TRIM28: variants seen among roughly 807,000 people sequenced by gnomAD.
The protein encoded by TRIM28 is tripartite motif containing 28.
In TRIM28, 8 loss-of-function variants were observed where a neutral mutation model predicts 87.4. The observed-to-expected ratio is 0.09, with a 90% CI of 0.05 to 0.17. TRIM28 has a LOEUF of 0.17. Among genes scored for constraint, TRIM28 ranks in the 10% least tolerant of loss-of-function variants. The pLI is 1.00. For missense variants in TRIM28, 968 were observed against 1,131.8 expected (o/e 0.86, Z 2.08); for synonymous variants, 601 against 454.3 (o/e 1.32, Z -4.11).
In TRIM28 at chr19:58,544,892, A is replaced by T. The variant is rs1451588238; in HGVS notation, c.135A>T (p.Ser45=). 1.5e-6 allele frequency: 2 copies of T among 1,371,880 alleles called. No homozygotes were observed. Among genetic ancestry groups the T allele is most frequent in the South Asian group, 1.7e-5 (1 of 60,480 alleles). The allele number at this position is 1,371,880 out of a possible 1,614,324, so 85.0% of individuals were successfully genotyped here. A position where few individuals can be genotyped will look rare whatever the true frequency, so the allele number is the denominator to read the frequency against. ...CGGCCGCAGCCTCGGCCTCTGCCTC[A>T]GCCGCGGCGTCGTCGCCCGCGGGGG... The part of the protein sequence containing the change: ...APSAAASASA[S]AAASSPAGGG... Residue 45 remains serine (S), a synonymous_variant, in exon 1 of 17, where the codon TCA becomes TCT. Coordinates refer to ENST00000253024, the MANE Select transcript of TRIM28 (RefSeq NM_005762.3).
intron 1 of TRIM28, 123 bp downstream of exon 1, chr19:58,545,220 C>A: frequency 1.0e-6 from 1 of 999,914 alleles, no homozygotes; most frequent in Middle Eastern, 3.3e-4. Context: ...ACGGGAAATA[C>A]TTTCTGGGTC....
In TRIM28 at chr19:58,544,601, G is replaced by A. The variant is rs2053742109; in HGVS notation, c.-157G>A. 1.1e-5 allele frequency: 2 copies of A among 176,120 alleles called. No homozygotes were observed. The highest frequency in any genetic ancestry group is 2.2e-5 in the Non-Finnish European group (2 of 90,444). The allele number at this position is 176,120 out of a possible 1,614,324, so 10.9% of individuals were successfully genotyped here. The stretch of plus-strand genomic sequence containing the variant: ...GTTGGCCGTGCCGTAGCAGCGTCCC[G>A]CGCGCGGCGGGCAGCGGCCCAGGAG... On this transcript the variant is annotated 5_prime_UTR_variant, in exon 1 of 17. Transcript: ENST00000253024.
chr19:58,544,401 G>A lies in TRIM28; in HGVS notation c.-357G>A, dbSNP rs1264635104. 6.6e-6 allele frequency: 1 copy of A among 152,306 alleles called. No individual in the cohort carries two copies. The highest frequency in any genetic ancestry group is 1.5e-5 in the Non-Finnish European group (1 of 68,166). 9.4% of individuals were successfully genotyped at this position (152,306 alleles called of 1,614,324 possible). A position where few individuals can be genotyped will look rare whatever the true frequency, so the allele number is the denominator to read the frequency against. ...CCCCCGGGCGTGAGGCGCCCAATGC[G>A]CGTGCGCGGCGGCGTCGGCGCCAGT... is the stretch of plus-strand genomic sequence containing the variant. On this transcript the variant is annotated 5_prime_UTR_variant, in exon 1 of 17. Transcript: ENST00000253024.
chr19:58,549,917 C>T lies in TRIM28; in HGVS notation c.2107-32C>T, dbSNP rs761970743. On this transcript the variant is annotated intron_variant, in intron 14 of 16. Transcript: ENST00000253024. This position sits in a 1 kb window ranked among gnomAD's most constrained non-coding sequence, Gnocchi z 4.4. ...CCAGAGAGGCTTTATAGGTGCTGCC[C>T]AGAGCTGTGACATCCCTTACAATGT... 7 of 1,614,020 alleles carry T rather than the reference C, an allele frequency of 4.3e-6. No homozygotes were observed. The highest frequency in any genetic ancestry group is 5.9e-6 in the Non-Finnish European group (7 of 1,179,982).
Position 58,545,544 on chromosome 19 carries a change from C to T in TRIM28, c.453+7C>T, listed in dbSNP as rs760412764. 8 of 1,603,634 alleles carry T rather than the reference C, an allele frequency of 5.0e-6. No individual in the cohort carries two copies. Among genetic ancestry groups the T allele is most frequent in the South Asian group, 2.2e-5 (2 of 90,820 alleles). On this transcript the variant is annotated splice_region_variant and intron_variant, in intron 2 of 16. Transcript: ENST00000253024. ...CGCCCAGGATGCGAACCAGGTGCGT[C>T]CTATCTCAGCAACCACAAGGAGGTT...
rs764450032 is a variant in TRIM28 at position 58,548,150 on chromosome 19, C to T, written c.1071C>T (p.Asn357=). ...RFASWALESD[N]NTALLLSKKL... ...CCTCTTGGGCTCTGGAGAGTGACAACAACACAGCCCTTTTGCTTTCTAAGA... is the reference window on the plus strand; with the variant it reads ...CCTCTTGGGCTCTGGAGAGTGACAATAACACAGCCCTTTTGCTTTCTAAGA... The change falls in exon 7 of 17, where the codon AAC becomes AAT. Residue 357 remains asparagine (N), a synonymous_variant. Coordinates refer to ENST00000253024, the MANE Select transcript of TRIM28 (RefSeq NM_005762.3). 1.2e-6 allele frequency: 2 copies of T among 1,614,202 alleles called. No homozygotes were observed. Among genetic ancestry groups the T allele is most frequent in the South Asian group, 2.2e-5 (2 of 91,082 alleles).
intron 5 of TRIM28, 27 bp downstream of exon 5, chr19:58,547,740 G>A (rs780612143): frequency 4.3e-6 from 7 of 1,613,794 alleles, no homozygotes; most frequent in Non-Finnish European, 5.1e-6. Flanking sequence ...GGGCTGTGGG[G>A]GTGGCCCAGG....
At chr19:58,546,506 T>C (rs1431383521) in intron 3 of TRIM28, among the ~76,000 whole-genome samples, 1 of 152,162 alleles carries the variant, frequency 6.6e-6, no homozygotes, top group Non-Finnish European at 1.5e-5. Context: ...ACTGTGATTC[T>C]TCCCATCCCA....
Position 58,547,850 on chromosome 19 carries a change from C to T in TRIM28, c.898C>T (p.Leu300=), listed in dbSNP as rs576523191. Residue 300 remains leucine, a synonymous_variant, in exon 6 of 17, where the codon CTG becomes TTG. Coordinates refer to ENST00000253024, the MANE Select transcript of TRIM28 (RefSeq NM_005762.3). The stretch of plus-strand genomic sequence containing the variant: ...GCAAGTGGATGTCAAGATGGCCATC[C>T]TGCAGATCATGAAGGAGCTGAATAA... ...RVQVDVKMAI[L]QIMKELNKRG... 1.9e-6 allele frequency: 3 copies of T among 1,614,144 alleles called. No individual in the cohort carries two copies. The highest frequency in any genetic ancestry group is 2.2e-5 in the East Asian group (1 of 44,894).
chr19:58,550,068 G>T, intron 15 of TRIM28, 33 bp downstream of exon 15: 1 of 1,613,762 alleles, frequency 6.2e-7, no homozygotes, highest in Non-Finnish European at 8.5e-7. Context: ...GGAAGGGGGT[G>T]GTGGCTGCTG....
rs1182311597 is a variant in TRIM28 at position 58,548,605 on chromosome 19, G to T, written c.1323+13G>T. The T allele has an allele frequency of 6.2e-7, 1 of 1,611,164 alleles. No homozygotes were observed. The highest frequency in any genetic ancestry group is 1.7e-5 in the Admixed American group (1 of 59,904). On this transcript the variant is annotated intron_variant, in intron 9 of 16. Coordinates refer to ENST00000253024, the MANE Select transcript of TRIM28 (RefSeq NM_005762.3). ...TGGCAGCAGCCAGGTGAGCAGGAGAGAGGACCCAGGAAGGGGTGGGCAGGG... is the reference window on the plus strand; with the variant it reads ...TGGCAGCAGCCAGGTGAGCAGGAGATAGGACCCAGGAAGGGGTGGGCAGGG...
chr19:58,550,310 T>C, intron 16 of TRIM28, 26 bp downstream of exon 16: 1 of 1,613,862 alleles, frequency 6.2e-7, no homozygotes, highest in South Asian at 1.1e-5. Flanking sequence ...GGAGAGGCTG[T>C]GGGCAGGGGG....
Position 58,548,278 on chromosome 19 carries a change from T to G in TRIM28, c.1102-16T>G, listed in dbSNP as rs767162175. The G allele has an allele frequency of 6.2e-7, 1 of 1,613,988 alleles. No individual in the cohort carries two copies. Among genetic ancestry groups the G allele is most frequent in the Non-Finnish European group, 8.5e-7 (1 of 1,179,938 alleles). On this transcript the variant is annotated splice_polypyrimidine_tract_variant and intron_variant, in intron 7 of 16. Coordinates refer to ENST00000253024, the MANE Select transcript of TRIM28 (RefSeq NM_005762.3). Reference sequence around the variant, plus strand: ...GTTGGTGTGCTCATTCTTTCCTCCCTTTCACTCCCAACCAGATCTACTTCC... The same window carrying G: ...GTTGGTGTGCTCATTCTTTCCTCCCGTTCACTCCCAACCAGATCTACTTCC...
At position 58,547,921 on chromosome 19, in the gene TRIM28, G is replaced by C. The variant is rs757352851; in HGVS notation, c.954+15G>C. On this transcript the variant is annotated intron_variant, in intron 6 of 16. Coordinates refer to ENST00000253024, the MANE Select transcript of TRIM28 (RefSeq NM_005762.3). ...ATGATGCCCAGGTAAGCCTTGTGCC[G>C]GTGAGAAGGGTCCCTGAGCCCCCTC... 2.5e-6 allele frequency: 4 copies of C among 1,613,976 alleles called. No homozygotes were observed. The highest frequency in any genetic ancestry group is 3.3e-5 in the Admixed American group (2 of 60,000).
At position 58,545,583 on chromosome 19, in the gene TRIM28, C is replaced by T. The variant is rs756198892; in HGVS notation, c.453+46C>T. Reference sequence around the variant, plus strand: ...CACAAGGAGGTTTCTGGGGAGGGGGCATCTGCGCAGGAGGAGCTTGGCACC... The same window carrying T: ...CACAAGGAGGTTTCTGGGGAGGGGGTATCTGCGCAGGAGGAGCTTGGCACC... On this transcript the variant is annotated intron_variant, in intron 2 of 16. Coordinates refer to ENST00000253024, the MANE Select transcript of TRIM28 (RefSeq NM_005762.3). The T allele has an allele frequency of 3.3e-6, 5 of 1,530,288 alleles. No homozygotes were observed. The South Asian group carries it at 3.4e-5, about 10-fold the overall frequency. 94.8% of individuals were successfully genotyped at this position (1,530,288 alleles called of 1,614,324 possible). A position where few individuals can be genotyped will look rare whatever the true frequency, so the allele number is the denominator to read the frequency against.
chr19:58,549,074 C>G lies in TRIM28; in HGVS notation c.1496C>G (p.Ala499Gly). Residue 499 changes from alanine (A) to glycine (G), a missense_variant, in exon 12 of 17, where the codon GCT (alanine) becomes GGT (glycine). This residue lies in a region of TRIM28 where 23 missense variants were observed against 56.7 expected (regional missense o/e 0.41). Coordinates refer to ENST00000253024, the MANE Select transcript of TRIM28 (RefSeq NM_005762.3). This position sits in a 1 kb window ranked among gnomAD's most constrained non-coding sequence, Gnocchi z 4.4. Reference protein sequence around the residue: ...SLERLDLDLTADSQPPVFKVF... With the variant: ...SLERLDLDLTGDSQPPVFKVF... ...GAACGCCTGGACCTGGACCTCACAG[C>G]TGACAGCCAGCCACCCGTCTTCAAG... 1.2e-6 allele frequency: 2 copies of G among 1,614,120 alleles called. No individual in the cohort carries two copies. Among genetic ancestry groups the G allele is most frequent in the Non-Finnish European group, 1.7e-6 (2 of 1,180,008 alleles).
intron 3 of TRIM28, among the ~76,000 whole-genome samples, chr19:58,546,276 G>A (rs1349775253): frequency 6.6e-6 from 1 of 152,120 alleles, no homozygotes; most frequent in Non-Finnish European, 1.5e-5. Flanking sequence ...ATAAGATGCT[G>A]CTAGGGAAAG....
intron 15 of TRIM28, 31 bp from the exon 16 acceptor site, chr19:58,550,116 T>G (rs922518908): frequency 1.2e-5 from 20 of 1,613,470 alleles, no homozygotes; most frequent in African/African-American, 2.7e-5. Context: ...ATGTGTGTCT[T>G]TGTGTGTGTA....
intron 3 of TRIM28, among the ~76,000 whole-genome samples, chr19:58,546,585 G>T (rs1290381897): frequency 1.3e-5 from 2 of 152,184 alleles, no homozygotes; most frequent in Non-Finnish European, 2.9e-5. Flanking sequence ...GGAGGGATAC[G>T]CAGGGGCTGC....
Sources: allele counts gnomAD v4.1 joint callset (sites outside exome capture counted in the v4.1 genomes callset), GRCh38; gene constraint gnomAD v4.1.1; regional missense constraint gnomAD v4.1.1; non-coding constraint Gnocchi (gnomAD v3.1); transcripts MANE v1.5; gene names NCBI Gene and HGNC (gene_info 2026-07-23, HGNC 2026-07-21).